Variants in SLC24A2 observed in about 807,000 individuals in gnomAD.
SLC24A2 encodes solute carrier family 24 member 2.
SLC24A2 carries 36 observed loss-of-function variants against 62.0 expected under a neutral mutation model. That is an observed-to-expected ratio of 0.58 (90% CI 0.44 to 0.77). The LOEUF (loss-of-function observed/expected upper bound fraction) is 0.77, where lower values mean the gene tolerates loss of function less well. Ranked by LOEUF, SLC24A2 falls within the 30% of genes least tolerant of loss-of-function variation. The probability of loss-of-function intolerance (pLI) is 0.00; values close to 1 mark genes in which losing one functional copy is unlikely to be tolerated. For missense variants in SLC24A2, 846 were observed against 817.9 expected (o/e 1.03, Z -0.42); for synonymous variants, 358 against 294.0 (o/e 1.22, Z -2.23).
chr9:19,864,499 A>G, the SLC24A2 span, among the ~76,000 whole-genome samples: 1 of 152,128 alleles, frequency 6.6e-6, no homozygotes, highest in East Asian at 1.9e-4. Flanking sequence ...ATCATGACCA[A>G]GTAGAATTTA....
the SLC24A2 span, among the ~76,000 whole-genome samples, chr9:20,164,142 T>C: frequency 0.013 from 2,038 of 152,138 alleles, 53 homozygotes; most frequent in African/African-American, 0.047. Flanking sequence ...GGGATCTCAT[T>C]AAACTAAAGA....
chr9:19,782,495 T>C (rs536017438), intron 2 of SLC24A2, among the ~76,000 whole-genome samples: 3 of 152,342 alleles, frequency 2.0e-5, no homozygotes, highest in African/African-American at 7.2e-5. Context: ...AGTTAATGTT[T>C]GACCCATTTA....
the SLC24A2 span, among the ~76,000 whole-genome samples, chr9:19,993,092 T>C: frequency 1.3e-5 from 2 of 152,152 alleles, no homozygotes; most frequent in Admixed American, 6.6e-5. Context: ...TAAGGTAGCA[T>C]CATAATTGAC....
chr9:19,883,943 C>G, the SLC24A2 span, among the ~76,000 whole-genome samples: 2 of 152,176 alleles, frequency 1.3e-5, no homozygotes, highest in Non-Finnish European at 2.9e-5. Flanking sequence ...AAAGGTGCTA[C>G]TTATTCTGGA....
the SLC24A2 span, among the ~76,000 whole-genome samples, chr9:20,030,980 GAA>G: frequency 2.0e-5 from 3 of 152,004 alleles, no homozygotes; most frequent in Non-Finnish European, 4.4e-5. Flanking sequence ...TTTTGGTGAG[GAA>G]AAGATTTGCT....
the SLC24A2 span, among the ~76,000 whole-genome samples, chr9:20,148,030 G>A: frequency 6.6e-6 from 1 of 152,112 alleles, no homozygotes; most frequent in Non-Finnish European, 1.5e-5. Flanking sequence ...AATCTCCTGT[G>A]TTCTAGAGTC....
the SLC24A2 span, among the ~76,000 whole-genome samples, chr9:19,949,245 C>T: frequency 1.3e-5 from 2 of 152,156 alleles, no homozygotes; most frequent in East Asian, 1.9e-4. Flanking sequence ...CTGCACGCCT[C>T]GGCCTCCCAA....
chr9:19,945,715 G>A, the SLC24A2 span, among the ~76,000 whole-genome samples: 1 of 152,190 alleles, frequency 6.6e-6, no homozygotes, highest in African/African-American at 2.4e-5. Context: ...CTCACAGCAA[G>A]AGGCAGAGCC....
the SLC24A2 span, among the ~76,000 whole-genome samples, chr9:19,825,354 G>A: frequency 6.6e-6 from 1 of 152,130 alleles, no homozygotes; most frequent in African/African-American, 2.4e-5. Context: ...TGCTCACTAA[G>A]TGCCAGGTGG....
the SLC24A2 span, among the ~76,000 whole-genome samples, chr9:19,981,459 T>C: frequency 6.6e-6 from 1 of 152,198 alleles, no homozygotes; most frequent in South Asian, 2.1e-4. Context: ...GTCAATTCTG[T>C]GTGTTGGTAT....
chr9:20,025,778 C>G, the SLC24A2 span, among the ~76,000 whole-genome samples: 1 of 152,064 alleles, frequency 6.6e-6, no homozygotes, highest in Non-Finnish European at 1.5e-5. Flanking sequence ...GAAATGACAT[C>G]TATAAGAGAG....
At chr9:19,915,373 T>A in the SLC24A2 span, among the ~76,000 whole-genome samples, 1 of 152,166 alleles carries the variant, frequency 6.6e-6, no homozygotes, top group Non-Finnish European at 1.5e-5. Context: ...TTGGCTCTTG[T>A]GAATAATGTC....
chr9:19,947,557 G>A, the SLC24A2 span, among the ~76,000 whole-genome samples: 1 of 151,948 alleles, frequency 6.6e-6, no homozygotes, highest in African/African-American at 2.4e-5. Flanking sequence ...TTGGGAGGCC[G>A]AGGTGGGCAC....
chr9:19,775,145 C>A (rs7852093), intron 2 of SLC24A2, among the ~76,000 whole-genome samples: 16 of 152,112 alleles, frequency 1.1e-4, no homozygotes, highest in Non-Finnish European at 2.1e-4. Flanking sequence ...TATGGCCTGG[C>A]GCCCAGATCC....
the SLC24A2 span, among the ~76,000 whole-genome samples, chr9:20,145,181 A>T: frequency 6.6e-6 from 1 of 152,280 alleles, no homozygotes; most frequent in South Asian, 2.1e-4. Context: ...AGGGAGCTGC[A>T]GTATAGGTGC....
intron 7 of SLC24A2, among the ~76,000 whole-genome samples, chr9:19,563,566 T>A (rs1417530097): frequency 6.6e-6 from 1 of 152,148 alleles, no homozygotes; most frequent in Non-Finnish European, 1.5e-5. Flanking sequence ...AGAGCTAACA[T>A]TTTTTGACCA....
chr9:19,651,604 T>C lies in SLC24A2; in HGVS notation c.931-29305A>G, dbSNP rs78386399. ...TCTTTTCCCCGTTTTCTCCCTATAG[T>C]GTTAGTCTATGGGAAGCAAACTTTC... On this transcript the variant is annotated intron_variant, in intron 2 of 10. Coordinates refer to ENST00000341998, the MANE Select transcript of SLC24A2 (RefSeq NM_020344.4). Among the ~76,000 whole-genome samples, 1,220 of 152,340 alleles carry C rather than the reference T, an allele frequency of 8.0e-3. 19 individuals are homozygous for C. The highest frequency in any genetic ancestry group is 0.028 in the African/African-American group (1,175 of 41,568).
chr9:20,235,398 G>A, the SLC24A2 span, among the ~76,000 whole-genome samples: 1 of 152,236 alleles, frequency 6.6e-6, no homozygotes, highest in African/African-American at 2.4e-5. Context: ...CCGCCGCTTT[G>A]TTTCCCTAAT....
chr9:19,908,286 A>G, the SLC24A2 span, among the ~76,000 whole-genome samples: 1 of 151,880 alleles, frequency 6.6e-6, no homozygotes, highest in African/African-American at 2.4e-5. Context: ...AGCCATATAT[A>G]GAAAGCTGAA....
Sources: allele counts gnomAD v4.1 joint callset (sites outside exome capture counted in the v4.1 genomes callset), GRCh38; gene constraint gnomAD v4.1.1; transcripts MANE v1.5; gene names NCBI Gene and HGNC (gene_info 2026-07-23, HGNC 2026-07-21).